The following ANKRD45 variants were observed in gnomAD, a reference collection of about 807,000 sequenced individuals.
ANKRD45 encodes the protein ankyrin repeat domain 45, also known as ankyrin repeat domain-containing protein 45.
Under a neutral mutation model 28.1 loss-of-function variants are expected in ANKRD45, and 21 were observed. The observed-to-expected ratio is 0.75, with a 90% CI of 0.53 to 1.08. The LOEUF is 1.08. ANKRD45 is among the 50% of genes least tolerant of loss of function. The probability of loss-of-function intolerance (pLI) is 0.00; values close to 1 mark genes in which losing one functional copy is unlikely to be tolerated. For missense variants in ANKRD45, 261 were observed against 308.7 expected (o/e 0.85, Z 1.16); for synonymous variants, 86 against 103.9 (o/e 0.83, Z 1.05).
At chr1:173,680,727 A>G in the ANKRD45 span, among the ~76,000 whole-genome samples, 1 of 152,128 alleles carries the variant, frequency 6.6e-6, no homozygotes, top group East Asian at 1.9e-4. Context: ...CCAAATGCCC[A>G]CCACTAATAG....
At chr1:173,701,675 CG>C in the ANKRD45 span, among the ~76,000 whole-genome samples, 1 of 151,944 alleles carries the variant, frequency 6.6e-6, no homozygotes, top group Admixed American at 6.6e-5. Flanking sequence ...GTCGTGAGGT[CG>C]GGAGATGGGG....
the ANKRD45 span, among the ~76,000 whole-genome samples, chr1:173,702,126 A>G: frequency 6.6e-6 from 1 of 152,186 alleles, no homozygotes. Flanking sequence ...ATTGGAAAAG[A>G]TCAGACAGCA....
intron 3 of ANKRD45, chr1:173,635,668 T>C (rs777439435): frequency 1.7e-5 from 26 of 1,535,670 alleles, no homozygotes; most frequent in Non-Finnish European, 2.1e-5. Flanking sequence ...AAGTTAAGGG[T>C]TCTCCATCTC....
intron 5 of ANKRD45, among the ~76,000 whole-genome samples, chr1:173,614,847 G>A (rs1667388949): frequency 6.6e-6 from 1 of 151,852 alleles, no homozygotes; most frequent in Non-Finnish European, 1.5e-5. Flanking sequence ...GAGACAGAGT[G>A]TAGCTGTTGC....
chr1:173,651,769 G>A (rs894784235), intron 2 of ANKRD45, among the ~76,000 whole-genome samples: 12 of 151,894 alleles, frequency 7.9e-5, no homozygotes, highest in East Asian at 1.9e-4. Context: ...CCTTTATTTC[G>A]TTGAGCAGTG....
chr1:173,637,723 T>C (rs1413943052), intron 3 of ANKRD45, among the ~76,000 whole-genome samples: 1 of 152,248 alleles, frequency 6.6e-6, no homozygotes, highest in Non-Finnish European at 1.5e-5. Context: ...GTGGCAAGAC[T>C]GCTAGCAAGC....
chr1:173,608,862 AGGGAG>A lies in ANKRD45; in HGVS notation c.*1278_*1282del, dbSNP rs1462079709. Among the ~76,000 whole-genome samples, 9 of 84,586 alleles carry A rather than the reference AGGGAG, an allele frequency of 1.1e-4. No individual in the cohort carries two copies. In the South Asian group the frequency reaches 5.2e-3, roughly 49 times the overall value. The allele number at this position is 84,586 out of a possible 152,430, so 55.5% of individuals were successfully genotyped here. A position where few individuals can be genotyped will look rare whatever the true frequency, so the allele number is the denominator to read the frequency against. The stretch of plus-strand genomic sequence containing the variant: ...AGGAGGGGGAGGGGAGGGGAGAGGA[AGGGAG>A]GGGAGGGGAGAGGAAGGGAGGGGAG... On this transcript the variant is annotated 3_prime_UTR_variant, in exon 6 of 6. Transcript: ENST00000333279.
At chr1:173,650,276 C>A (rs1034403278) in intron 2 of ANKRD45, among the ~76,000 whole-genome samples, 1 of 152,128 alleles carries the variant, frequency 6.6e-6, no homozygotes, top group Non-Finnish European at 1.5e-5. Context: ...CTATAATAGA[C>A]CCCGGTGTGT....
chr1:173,686,432 G>A, the ANKRD45 span, among the ~76,000 whole-genome samples: 1 of 152,120 alleles, frequency 6.6e-6, no homozygotes, highest in African/African-American at 2.4e-5. Context: ...TCCCCTTCCT[G>A]CTGTACGAAC....
the ANKRD45 span, among the ~76,000 whole-genome samples, chr1:173,682,560 G>A: frequency 6.6e-6 from 1 of 151,962 alleles, no homozygotes; most frequent in Non-Finnish European, 1.5e-5. Context: ...AGAAAGGAGA[G>A]GCAGCAGAAG....
chr1:173,638,313 G>C (rs1052268944), intron 3 of ANKRD45, among the ~76,000 whole-genome samples: 11 of 152,138 alleles, frequency 7.2e-5, no homozygotes, highest in African/African-American at 2.7e-4. Flanking sequence ...TGAAGAATCT[G>C]GGGGATTGAG....
At chr1:173,671,890 A>G (rs1049508890), upstream of ANKRD45, among the ~76,000 whole-genome samples, 38 of 151,810 alleles carry the variant, frequency 2.5e-4, 2 homozygotes, top group Non-Finnish European at 1.0e-4. Flanking sequence ...TCAAAAAAAA[A>G]AAAAAAAGAA....
chr1:173,635,466 T>C (rs1178215908), intron 3 of ANKRD45: 3 of 1,194,330 alleles, frequency 2.5e-6, no homozygotes, highest in African/African-American at 1.5e-5. Context: ...TTAGCTAATT[T>C]AGCTATTTTA....
chr1:173,610,627 G>A (rs997245617), intron 5 of ANKRD45, among the ~76,000 whole-genome samples: 44 of 152,028 alleles, frequency 2.9e-4, no homozygotes, highest in African/African-American at 1.1e-3. Flanking sequence ...TCACAGGTGA[G>A]AAGGGAAGGA....
chr1:173,611,549 T>C (rs1044660465), intron 5 of ANKRD45, among the ~76,000 whole-genome samples: 56 of 148,978 alleles, frequency 3.8e-4, no homozygotes, highest in African/African-American at 1.3e-3. Flanking sequence ...AAGAATTAAA[T>C]TGGACCCCTA....
At chr1:173,682,722 C>CACACACACAT in the ANKRD45 span, among the ~76,000 whole-genome samples, 39 of 148,798 alleles carry the variant, frequency 2.6e-4, no homozygotes, top group East Asian at 5.6e-3. Context: ...CACACACACA[C>CACACACACAT]ATCTTGGATG....
the ANKRD45 span, among the ~76,000 whole-genome samples, chr1:173,686,932 C>CT: frequency 1.3e-5 from 2 of 152,040 alleles, no homozygotes; most frequent in Non-Finnish European, 2.9e-5. Flanking sequence ...TTTTTATAGA[C>CT]TTTTTTTAAC....
chr1:173,665,589 A>G (rs770540973), intron 1 of ANKRD45, among the ~76,000 whole-genome samples: 1 of 152,200 alleles, frequency 6.6e-6, no homozygotes, highest in Non-Finnish European at 1.5e-5. Flanking sequence ...TCAGCCCAGA[A>G]CCAACATAAT....
the ANKRD45 span, among the ~76,000 whole-genome samples, chr1:173,680,736 A>G: frequency 6.6e-6 from 1 of 152,048 alleles, no homozygotes; most frequent in Non-Finnish European, 1.5e-5. Flanking sequence ...CACCACTAAT[A>G]GACTGGAAAA....
Sources: allele counts gnomAD v4.1 joint callset (sites outside exome capture counted in the v4.1 genomes callset), GRCh38; gene constraint gnomAD v4.1.1; transcripts MANE v1.5; gene names NCBI Gene and HGNC (gene_info 2026-07-23, HGNC 2026-07-21).